The following ADAMTS9 variants were observed in gnomAD, a reference collection of about 807,000 sequenced individuals.
ADAMTS9 encodes the protein A disintegrin and metalloproteinase with thrombospondin motifs 9.
Under a neutral mutation model 257.1 loss-of-function variants are expected in ADAMTS9, and 107 were observed. That is an observed-to-expected ratio of 0.42 (90% CI 0.36 to 0.49). The LOEUF (loss-of-function observed/expected upper bound fraction) is 0.49, where lower values mean the gene tolerates loss of function less well. Ranked by LOEUF, ADAMTS9 falls within the 20% of genes least tolerant of loss-of-function variation. ADAMTS9 has a pLI of 0.03. For synonymous variants in ADAMTS9, 982 were observed against 880.9 expected (o/e 1.11, Z -2.03); for missense variants, 2,353 against 2,469.1 (o/e 0.95, Z 1.00).
Position 64,632,063 on chromosome 3 carries a change from T to A in ADAMTS9, c.2176-138A>T, listed in dbSNP as rs980531650. 1.3e-5 allele frequency: 9 copies of A among 671,636 alleles called. No homozygotes were observed. In the African/African-American group the frequency reaches 1.5e-4, roughly 11 times the overall value. 41.6% of individuals were successfully genotyped at this position (671,636 alleles called of 1,614,324 possible). A position where few individuals can be genotyped will look rare whatever the true frequency, so the allele number is the denominator to read the frequency against. The stretch of plus-strand genomic sequence containing the variant: ...TTTAAAACTTGGAAAGGTTGAAAAC[T>A]GAAATTATATACTGCCTTGCTATTT... On this transcript the variant is annotated intron_variant, in intron 14 of 39. Transcript: ENST00000498707.
intron 3 of ADAMTS9, among the ~76,000 whole-genome samples, chr3:64,674,844 G>A (rs1237753088): frequency 6.6e-6 from 1 of 152,152 alleles, no homozygotes; most frequent in East Asian, 1.9e-4. Context: ...CACTCGAAGG[G>A]CAGCTAATCT....
chr3:64,574,037 A>G (rs1299911714), intron 28 of ADAMTS9, among the ~76,000 whole-genome samples: 5 of 152,340 alleles, frequency 3.3e-5, no homozygotes, highest in Admixed American at 2.0e-4. Flanking sequence ...GAATGAACAT[A>G]TGAAAACTAT....
At chr3:64,647,233 C>CT (rs1395480995) in intron 11 of ADAMTS9, among the ~76,000 whole-genome samples, 1 of 151,746 alleles carries the variant, frequency 6.6e-6, no homozygotes, top group Non-Finnish European at 1.5e-5. Context: ...ATATCTAAAA[C>CT]TTTTTGTTAC....
chr3:64,525,985 TA>T (rs1488069814), intron 38 of ADAMTS9, among the ~76,000 whole-genome samples: 15 of 147,740 alleles, frequency 1.0e-4, no homozygotes, highest in Admixed American at 3.4e-4. Context: ...AAAATTTATA[TA>T]AAAATATTTT....
chr3:64,622,672 G>C, intron 16 of ADAMTS9, 86 bp from the exon 17 acceptor site: 3 of 1,453,866 alleles, frequency 2.1e-6, no homozygotes, highest in East Asian at 2.3e-5. Context: ...GATAGGTAGA[G>C]AGTCGCTGTG....
chr3:64,621,847 T>C (rs779259716), intron 18 of ADAMTS9, among the ~76,000 whole-genome samples: 5 of 151,082 alleles, frequency 3.3e-5, no homozygotes, highest in Non-Finnish European at 2.9e-5. Context: ...TTTGGCCTGC[T>C]GGCTGTGGTT....
intron 8 of ADAMTS9, among the ~76,000 whole-genome samples, chr3:64,653,534 G>A (rs554237932): frequency 6.6e-6 from 1 of 152,282 alleles, no homozygotes; most frequent in East Asian, 1.9e-4. Flanking sequence ...GCACATAGGG[G>A]ACCTTAAATG....
chr3:64,586,876 T>G (rs2084167725), intron 28 of ADAMTS9: 1 of 152,132 alleles, frequency 6.6e-6, no homozygotes, highest in African/African-American at 2.4e-5. Context: ...TATGAAAAGC[T>G]GCCTTCCTGA....
intron 25 of ADAMTS9, among the ~76,000 whole-genome samples, chr3:64,602,434 CA>C (rs2084480564): frequency 6.6e-6 from 1 of 152,118 alleles, no homozygotes; most frequent in Non-Finnish European, 1.5e-5. Flanking sequence ...CCCTTTACAA[CA>C]AAAGTCAAAT....
At chr3:64,523,517 G>A (rs1175483227) in intron 38 of ADAMTS9, among the ~76,000 whole-genome samples, 5 of 152,196 alleles carry the variant, frequency 3.3e-5, no homozygotes, top group Admixed American at 6.5e-5. Context: ...CTGCTAAGAC[G>A]TGTTGACAAC....
intron 11 of ADAMTS9, among the ~76,000 whole-genome samples, chr3:64,645,059 GT>G (rs1369365296): frequency 6.6e-6 from 1 of 152,212 alleles, no homozygotes; most frequent in Non-Finnish European, 1.5e-5. Context: ...AAGGGGGTCT[GT>G]TTGGGAAACA....
At chr3:64,601,269 C>A (rs967136392) in intron 26 of ADAMTS9, among the ~76,000 whole-genome samples, 1 of 152,100 alleles carries the variant, frequency 6.6e-6, no homozygotes, top group African/African-American at 2.4e-5. Flanking sequence ...TACAGCAACC[C>A]AAGAAAGCAG....
chr3:64,637,035 C>T (rs908978439), intron 12 of ADAMTS9, among the ~76,000 whole-genome samples: 2 of 152,154 alleles, frequency 1.3e-5, no homozygotes, highest in Admixed American at 6.5e-5. Flanking sequence ...AGGCCTCTTT[C>T]CATATCAAAA....
chr3:64,671,770 G>A (rs1701496240), intron 3 of ADAMTS9, among the ~76,000 whole-genome samples: 1 of 152,160 alleles, frequency 6.6e-6, no homozygotes, highest in African/African-American at 2.4e-5. Flanking sequence ...GTGATATTCA[G>A]ATTATTTATT....
chr3:64,548,647 A>C (rs777854089), intron 31 of ADAMTS9, among the ~76,000 whole-genome samples: 2 of 152,170 alleles, frequency 1.3e-5, no homozygotes, highest in African/African-American at 4.8e-5. Context: ...CTGAGCCCCA[A>C]ATATGGTCAG....
intron 36 of ADAMTS9, 68 bp from the exon 37 acceptor site, chr3:64,539,362 G>T: frequency 7.5e-7 from 1 of 1,325,448 alleles, no homozygotes. Flanking sequence ...GAAGGAACAG[G>T]ACATTAACAA....
chr3:64,625,339 A>G (rs992749808), intron 16 of ADAMTS9, among the ~76,000 whole-genome samples: 2 of 152,218 alleles, frequency 1.3e-5, no homozygotes, highest in Non-Finnish European at 2.9e-5. Context: ...CATCTCATCA[A>G]TGTAGGTGAC....
At chr3:64,648,231 G>A (rs561208223) in intron 10 of ADAMTS9, among the ~76,000 whole-genome samples, 187 bp from the exon 11 acceptor site, 2 of 152,110 alleles carry the variant, frequency 1.3e-5, no homozygotes, top group East Asian at 1.9e-4. Flanking sequence ...TCTATCCCTG[G>A]TAATGGATAC....
intron 16 of ADAMTS9, among the ~76,000 whole-genome samples, chr3:64,622,927 G>C (rs1277541193): frequency 6.6e-6 from 1 of 152,170 alleles, no homozygotes; most frequent in Admixed American, 6.5e-5. Context: ...AAACAAAAGT[G>C]TTTATATGAT....
Sources: gnomAD v4.1 joint callset for allele counts (sites outside exome capture counted in the v4.1 genomes callset) on GRCh38, gnomAD v4.1.1 for gene constraint, MANE v1.5 for transcripts, NCBI Gene and HGNC (gene_info 2026-07-23, HGNC 2026-07-21) for gene names.